Variants in IRX3 observed in about 807,000 individuals in gnomAD.
The protein encoded by IRX3 is iroquois homeobox 3, also known as iroquois-class homeodomain protein IRX-3.
Under a neutral mutation model 36.4 loss-of-function variants are expected in IRX3, and 20 were observed. That is an observed-to-expected ratio of 0.55 (90% CI 0.39 to 0.80). IRX3 has a LOEUF of 0.80. Among genes scored for constraint, IRX3 ranks in the 30% least tolerant of loss-of-function variants. IRX3 has a pLI of 0.00. For synonymous variants in IRX3, 404 were observed against 351.6 expected, an observed-to-expected ratio of 1.15 and a Z score of -1.67; for missense variants, 718 against 733.2, an observed-to-expected ratio of 0.98 and a Z score of 0.24.
Position 54,285,846 on chromosome 16 carries a change from C to T in IRX3, c.205G>A (p.Ala69Thr). 6.4e-7 allele frequency: 1 copy of T among 1,551,592 alleles called. No individual in the cohort carries two copies. Among genetic ancestry groups the T allele is most frequent in the Admixed American group, 1.9e-5 (1 of 51,944 alleles). ...APYAAAAAAA[A>T]AQGYGAFLPY... is the part of the protein sequence containing the mutation. ...AGGAAGGCGCCGTAGCCTTGGGCGGCGGCGGCCGCAGCGGCCGCGGCGTAG... is the reference window on the plus strand; with the variant it reads ...AGGAAGGCGCCGTAGCCTTGGGCGGTGGCGGCCGCAGCGGCCGCGGCGTAG... Residue 69 changes from alanine (A) to threonine (T), a missense_variant, in exon 1 of 4, where the codon GCC (alanine) becomes ACC (threonine). Around this residue, in one of 3 missense-constraint regions of IRX3, gnomAD observed 204 missense variants for 181.4 expected, o/e 1.12. Transcript: ENST00000329734. This position sits in a 1 kb window ranked among gnomAD's most constrained non-coding sequence, Gnocchi z 5.7.
chr16:54,283,629 A>G lies in IRX3; in HGVS notation c.*57T>C. 1 of 813,338 alleles carries G rather than the reference A, an allele frequency of 1.2e-6. No homozygotes were observed. 50.4% of individuals were successfully genotyped at this position (813,338 alleles called of 1,614,324 possible). ...AACTATACAGAGCGATTTTTTTTAT[A>G]CAATTATTACAACGATTAAAAAAAG... On this transcript the variant is annotated 3_prime_UTR_variant, in exon 4 of 4. Coordinates refer to ENST00000329734, the MANE Select transcript of IRX3 (RefSeq NM_024336.3). This position sits in a 1 kb window ranked among gnomAD's most constrained non-coding sequence, Gnocchi z 4.4.
rs769953483 is a variant in IRX3, at chr16:54,284,908, G to C, written c.973C>G (p.Pro325Ala). The C allele has an allele frequency of 6.3e-6, 10 of 1,581,838 alleles. No homozygotes were observed. In the Admixed American group the frequency reaches 1.7e-4, roughly 26 times the overall value. ...PPVAVASPSL[P>A]SPPVSLDPCA... ...GGGTCCAGGCTCACGGGGGGCGACG[G>C]CAGAGACGGCGAGGCCACGGCCACT... Residue 325 changes from proline to alanine, a missense_variant, in exon 2 of 4, where the codon CCG (proline) becomes GCG (alanine). Coordinates refer to ENST00000329734, the MANE Select transcript of IRX3 (RefSeq NM_024336.3). This position sits in a 1 kb window ranked among gnomAD's most constrained non-coding sequence, Gnocchi z 4.0.
At position 54,284,742 on chromosome 16, in the gene IRX3, G is replaced by A; in HGVS notation, c.1139C>T (p.Pro380Leu). The A allele has an allele frequency of 2.7e-6, 4 of 1,455,948 alleles. No individual in the cohort carries two copies. The highest frequency in any genetic ancestry group is 3.6e-6 in the Non-Finnish European group (4 of 1,117,000). The allele number at this position is 1,455,948 out of a possible 1,614,324, so 90.2% of individuals were successfully genotyped here. ...GGSPPGAAVA[P>L]SALQLSPAAA... ...GGCCGGAGAGAGCTGCAGGGCGGAA[G>A]GCGCGACCGCTGCCCCCGGTGGAGA... Residue 380 changes from proline (P) to leucine (L), a missense_variant, in exon 2 of 4, where the codon CCT (proline) becomes CTT (leucine). Physicochemically the swap from Pro to Leu is moderately conservative, Grantham distance 98 (BLOSUM62 -3). Coordinates refer to ENST00000329734, the MANE Select transcript of IRX3 (RefSeq NM_024336.3). The surrounding 1 kb of genome is among the most constrained non-coding windows in gnomAD (Gnocchi z 4.0).
In IRX3 at chr16:54,285,641, A is replaced by G; in HGVS notation, c.268-28T>C. 6.7e-7 allele frequency: 1 copy of G among 1,486,904 alleles called. No individual in the cohort carries two copies. Among genetic ancestry groups the G allele is most frequent in the Non-Finnish European group, 8.9e-7 (1 of 1,118,266 alleles). The allele number at this position is 1,486,904 out of a possible 1,614,324, so 92.1% of individuals were successfully genotyped here. On this transcript the variant is annotated intron_variant, in intron 1 of 3. Coordinates refer to ENST00000329734, the MANE Select transcript of IRX3 (RefSeq NM_024336.3). This position sits in a 1 kb window ranked among gnomAD's most constrained non-coding sequence, Gnocchi z 5.7. ...GTACGCACATGGAGAAGGAAGGGAC[A>G]CGCGCGGAGGGAGCGCGAGTGAGCC...
rs370099799 is a variant in IRX3 at position 54,284,367 on chromosome 16, C to A, written c.1385-55G>T. On this transcript the variant is annotated intron_variant, in intron 2 of 3. Transcript: ENST00000329734. The surrounding 1 kb of genome is among the most constrained non-coding windows in gnomAD (Gnocchi z 4.0). ...GCCTTTAGAGCGCTCGGTGCCGGCG[C>A]CCAGGGCCGCAGAAAGCAGGAGTGG... 4.5e-5 allele frequency: 70 copies of A among 1,558,706 alleles called. No homozygotes were observed. Among genetic ancestry groups the A allele is most frequent in the Non-Finnish European group, 5.4e-5 (62 of 1,156,920 alleles).
rs1901250026 is a variant in IRX3, at chr16:54,284,154, A to G, written c.1451+92T>C. On this transcript the variant is annotated intron_variant, in intron 3 of 3. Transcript: ENST00000329734. This position sits in a 1 kb window ranked among gnomAD's most constrained non-coding sequence, Gnocchi z 4.0. ...ATGCGTCCCAGCAGGGTTCCCCCCT[A>G]CCCCGGGGCAAAAGGCCGTGCGTGG... 2 of 1,297,696 alleles carry G rather than the reference A, an allele frequency of 1.5e-6. No individual in the cohort carries two copies. The highest frequency in any genetic ancestry group is 1.3e-5 in the South Asian group (1 of 77,738). The allele number at this position is 1,297,696 out of a possible 1,614,324, so 80.4% of individuals were successfully genotyped here.
chr16:54,284,097 C>T lies in IRX3; in HGVS notation c.1451+149G>A. ...GCTGTCGCAGGGCCGACAGGGGCGA[C>T]TGAAAAAGTGACTTTCGTCCCCTTT... On this transcript the variant is annotated intron_variant, in intron 3 of 3. Transcript: ENST00000329734. The surrounding 1 kb of genome is among the most constrained non-coding windows in gnomAD (Gnocchi z 4.0). The T allele has an allele frequency of 8.8e-7, 1 of 1,131,294 alleles. No individual in the cohort carries two copies. The highest frequency in any genetic ancestry group is 1.2e-6 in the Non-Finnish European group (1 of 812,420). 70.1% of individuals were successfully genotyped at this position (1,131,294 alleles called of 1,614,324 possible). A position where few individuals can be genotyped will look rare whatever the true frequency, so the allele number is the denominator to read the frequency against.
At position 54,284,943 on chromosome 16, in the gene IRX3, G is replaced by A. The variant is rs1262465651; in HGVS notation, c.938C>T (p.Ala313Val). The change falls in exon 2 of 4, where the codon GCG becomes GTG. Residue 313 changes from alanine (A) to valine (V), a missense_variant. Physicochemically the swap from Ala to Val is moderately conservative, Grantham distance 64. Around this residue, in one of 3 missense-constraint regions of IRX3, gnomAD observed 468 missense variants for 462.1 expected, o/e 1.01. Coordinates refer to ENST00000329734, the MANE Select transcript of IRX3 (RefSeq NM_024336.3). This position sits in a 1 kb window ranked among gnomAD's most constrained non-coding sequence, Gnocchi z 4.0. ...CGAGGCCACGGCCACTGGTGGTGGC[G>A]CTGGAGCCAGACTCAGGACCGGTAG... ...RPLPVLSLAP[A>V]PPPVAVASPS... 1 of 1,606,684 alleles carries A rather than the reference G, an allele frequency of 6.2e-7. No individual in the cohort carries two copies. Among genetic ancestry groups the A allele is most frequent in the Non-Finnish European group, 8.5e-7 (1 of 1,177,168 alleles).
At position 54,286,562 on chromosome 16, in the gene IRX3, C is replaced by G; in HGVS notation, c.-512G>C. The G allele has an allele frequency of 5.6e-6, 1 of 177,854 alleles. No individual in the cohort carries two copies. Among genetic ancestry groups the G allele is most frequent in the Non-Finnish European group, 1.1e-5 (1 of 91,346 alleles). 11.0% of individuals were successfully genotyped at this position (177,854 alleles called of 1,614,324 possible). A position where few individuals can be genotyped will look rare whatever the true frequency, so the allele number is the denominator to read the frequency against. ...ACTGCCCTGGACGCTATGAAACTCT[C>G]CTTTCTCCTCTCCCCTTCTCTTTCC... On this transcript the variant is annotated 5_prime_UTR_variant, in exon 1 of 4. Coordinates refer to ENST00000329734, the MANE Select transcript of IRX3 (RefSeq NM_024336.3).
Position 54,285,353 on chromosome 16 carries a change from G to C in IRX3, c.528C>G (p.Thr176=), listed in dbSNP as rs1328518357. The C allele has an allele frequency of 6.2e-7, 1 of 1,614,182 alleles. No homozygotes were observed. Among genetic ancestry groups the C allele is most frequent in the Non-Finnish European group, 8.5e-7 (1 of 1,180,044 alleles). ...GGCGCCGGCGCGCGTTGGCGAACCA[G>C]GTGGACACCTGGGTGAGGGTCATCT... The part of the protein sequence containing the change: ...ITKMTLTQVS[T]WFANARRRLK... Residue 176 remains threonine, a synonymous_variant, in exon 2 of 4, where the codon ACC becomes ACG. Transcript: ENST00000329734. The surrounding 1 kb of genome is among the most constrained non-coding windows in gnomAD (Gnocchi z 5.7).
Position 54,285,119 on chromosome 16 carries a change from G to C in IRX3, c.762C>G (p.Ile254Met). 6.2e-7 allele frequency: 1 copy of C among 1,613,512 alleles called. No individual in the cohort carries two copies. The highest frequency in any genetic ancestry group is 8.5e-7 in the Non-Finnish European group (1 of 1,179,908). ...GLADDDEDEE[I>M]DLENLDGAAT... ...CCGCGCCGTCTAAGTTCTCCAAATC[G>C]ATCTCCTCGTCCTCGTCGTCGTCAG... Residue 254 changes from isoleucine to methionine, a missense_variant, in exon 2 of 4, where the codon ATC becomes ATG. Physicochemically the swap from Ile to Met is conservative, Grantham distance 10. Around this residue, in one of 3 missense-constraint regions of IRX3, gnomAD observed 468 missense variants for 462.1 expected, o/e 1.01. Coordinates refer to ENST00000329734, the MANE Select transcript of IRX3 (RefSeq NM_024336.3). The surrounding 1 kb of genome is among the most constrained non-coding windows in gnomAD (Gnocchi z 5.7).
At position 54,286,506 on chromosome 16, in the gene IRX3, C is replaced by T. The variant is rs1198778677; in HGVS notation, c.-456G>A. Reference sequence around the variant, plus strand: ...CCCCTCTCCGCACTCCTCTTCCCCCCAGGATCGCTTCCGCTGCTTCGGGCT... The same window carrying T: ...CCCCTCTCCGCACTCCTCTTCCCCCTAGGATCGCTTCCGCTGCTTCGGGCT... On this transcript the variant is annotated 5_prime_UTR_variant, in exon 1 of 4. Transcript: ENST00000329734. 2.7e-5 allele frequency: 15 copies of T among 554,196 alleles called. No homozygotes were observed. The highest frequency in any genetic ancestry group is 3.4e-5 in the Non-Finnish European group (15 of 436,052). 34.3% of individuals were successfully genotyped at this position (554,196 alleles called of 1,614,324 possible).
In IRX3 at chr16:54,286,024, T is replaced by C; in HGVS notation, c.27A>G (p.Gln9=). 1.5e-6 allele frequency: 2 copies of C among 1,328,914 alleles called. No homozygotes were observed. Among genetic ancestry groups the C allele is most frequent in the East Asian group, 3.2e-5 (1 of 31,018 alleles). 82.3% of individuals were successfully genotyped at this position (1,328,914 alleles called of 1,614,324 possible). ...CGGACGGGTAAAGCGGGCGGATGTA[T>C]TGGTATCCCAGCTGGGGGAAGGACA... The part of the protein sequence containing the change: MSFPQLGY[Q]YIRPLYPSER... The change falls in exon 1 of 4, where the codon CAA becomes CAG. Residue 9 remains glutamine (Q), a synonymous_variant. Transcript: ENST00000329734.
At position 54,284,786 on chromosome 16, in the gene IRX3, C is replaced by A; in HGVS notation, c.1095G>T (p.Ser365=). 1 of 1,464,226 alleles carries A rather than the reference C, an allele frequency of 6.8e-7. No individual in the cohort carries two copies. Among genetic ancestry groups the A allele is most frequent in the Non-Finnish European group, 8.9e-7 (1 of 1,119,348 alleles). The allele number at this position is 1,464,226 out of a possible 1,614,324, so 90.7% of individuals were successfully genotyped here. A position where few individuals can be genotyped will look rare whatever the true frequency, so the allele number is the denominator to read the frequency against. ...GTGGAGACCCCCCCGCGCCGGGAGGCGAGCGGCGCGGGTTGTCCGGGCTTG... is the reference window on the plus strand; with the variant it reads ...GTGGAGACCCCCCCGCGCCGGGAGGAGAGCGGCGCGGGTTGTCCGGGCTTG... ...TATSPDNPRR[S]PPGAGGSPPG... is the part of the protein sequence containing the mutation. The change falls in exon 2 of 4, where the codon TCG becomes TCT. Residue 365 remains serine (S), a synonymous_variant. Coordinates refer to ENST00000329734, the MANE Select transcript of IRX3 (RefSeq NM_024336.3). This position sits in a 1 kb window ranked among gnomAD's most constrained non-coding sequence, Gnocchi z 4.0.
rs1194363182 is a variant in IRX3, at chr16:54,286,071, C to T, written c.-21G>A. ...GACATGGTGGCCCGCGGGGCACGGA[C>T]GGAGAGGGGGGCCGACCCCCGGGCC... is the stretch of plus-strand genomic sequence containing the variant. On this transcript the variant is annotated 5_prime_UTR_variant, in exon 1 of 4. Transcript: ENST00000329734. The T allele has an allele frequency of 8.0e-7, 1 of 1,255,866 alleles. No homozygotes were observed. Among genetic ancestry groups the T allele is most frequent in the Non-Finnish European group, 1.0e-6 (1 of 995,960 alleles). 77.8% of individuals were successfully genotyped at this position (1,255,866 alleles called of 1,614,324 possible).
chr16:54,286,455 C>T lies in IRX3; in HGVS notation c.-405G>A, dbSNP rs1232386458. 2 of 925,224 alleles carry T rather than the reference C, an allele frequency of 2.2e-6. No homozygotes were observed. Among genetic ancestry groups the T allele is most frequent in the Non-Finnish European group, 2.6e-6 (2 of 774,968 alleles). 57.3% of individuals were successfully genotyped at this position (925,224 alleles called of 1,614,324 possible). A position where few individuals can be genotyped will look rare whatever the true frequency, so the allele number is the denominator to read the frequency against. On this transcript the variant is annotated 5_prime_UTR_variant, in exon 1 of 4. Coordinates refer to ENST00000329734, the MANE Select transcript of IRX3 (RefSeq NM_024336.3). ...CCTTCGCCCTCCTCTAGTTTTCACTCCCCCTCCTCGCCCTTCCTCTCCCCT... is the reference window on the plus strand; with the variant it reads ...CCTTCGCCCTCCTCTAGTTTTCACTTCCCCTCCTCGCCCTTCCTCTCCCCT...
rs1901301640 is a variant in IRX3 at position 54,285,367 on chromosome 16, T to C, written c.514A>G (p.Thr172Ala). 7.4e-6 allele frequency: 12 copies of C among 1,614,054 alleles called. No homozygotes were observed. Among genetic ancestry groups the C allele is most frequent in the African/African-American group, 1.3e-5 (1 of 75,006 alleles). ...TTGGCGAACCAGGTGGACACCTGGG[T>C]GAGGGTCATCTTGGTGATGATGGCC... ...MLAIITKMTL[T>A]QVSTWFANAR... Residue 172 changes from threonine to alanine, a missense_variant, in exon 2 of 4, where the codon ACC becomes GCC. Thr to Ala is a moderately conservative substitution (Grantham distance 58). Transcript: ENST00000329734. This position sits in a 1 kb window ranked among gnomAD's most constrained non-coding sequence, Gnocchi z 5.7.
Position 54,285,657 on chromosome 16 carries a change from C to T in IRX3, c.268-44G>A. 1.4e-6 allele frequency: 2 copies of T among 1,474,470 alleles called. No homozygotes were observed. Among genetic ancestry groups the T allele is most frequent in the Non-Finnish European group, 9.0e-7 (1 of 1,114,638 alleles). The allele number at this position is 1,474,470 out of a possible 1,614,324, so 91.3% of individuals were successfully genotyped here. ...GGAAGGGACACGCGCGGAGGGAGCG[C>T]GAGTGAGCCCCAGCCATCGCTGCCT... On this transcript the variant is annotated intron_variant, in intron 1 of 3. Coordinates refer to ENST00000329734, the MANE Select transcript of IRX3 (RefSeq NM_024336.3). The surrounding 1 kb of genome is among the most constrained non-coding windows in gnomAD (Gnocchi z 5.7).
Position 54,285,870 on chromosome 16 carries a change from A to G in IRX3, c.181T>C (p.Tyr61His). 1 of 1,541,564 alleles carries G rather than the reference A, an allele frequency of 6.5e-7. No individual in the cohort carries two copies. The highest frequency in any genetic ancestry group is 1.2e-5 in the South Asian group (1 of 83,332). ...GCGGCGGCCGCAGCGGCCGCGGCGT[A>G]GGGCGCCCCGTACACGGACGAGAGC... ...NVLSSVYGAPYAAAAAAAAAQ... is the reference protein window; with the variant it reads ...NVLSSVYGAPHAAAAAAAAAQ... Residue 61 changes from tyrosine to histidine, a missense_variant, in exon 1 of 4, where the codon TAC becomes CAC. By Grantham distance (83) the Tyr-to-His change is moderately conservative. Transcript: ENST00000329734. This position sits in a 1 kb window ranked among gnomAD's most constrained non-coding sequence, Gnocchi z 5.7.
Sources: allele counts gnomAD v4.1 joint callset, GRCh38; gene constraint gnomAD v4.1.1; regional missense constraint gnomAD v4.1.1; non-coding constraint Gnocchi (gnomAD v3.1); transcripts MANE v1.5; gene names NCBI Gene and HGNC (gene_info 2026-07-23, HGNC 2026-07-21).